The following GRIK4 variants were observed in gnomAD, a reference collection of about 807,000 sequenced individuals.
GRIK4 encodes the protein glutamate ionotropic receptor kainate type subunit 4.
A neutral mutation model predicts 104.9 loss-of-function variants in GRIK4; 40 were observed. The ratio of observed to expected loss-of-function variants is 0.38; its 90% CI spans 0.30 to 0.50. The LOEUF (loss-of-function observed/expected upper bound fraction) is 0.50. Ranked by LOEUF, GRIK4 falls within the 20% of genes least tolerant of loss-of-function variation. GRIK4 has a pLI of 0.93. For synonymous variants in GRIK4, 485 were observed against 524.9 expected (o/e 0.92, Z 1.04); for missense variants, 1,047 against 1,308.1 (o/e 0.80, Z 3.08).
intron 3 of GRIK4, among the ~76,000 whole-genome samples, chr11:120,712,515 C>T (rs1006094474): frequency 6.6e-6 from 1 of 151,786 alleles, no homozygotes; most frequent in Non-Finnish European, 1.5e-5. Context: ...TGACCACGCA[C>T]GGTGGCACAT....
At chr11:120,629,436 T>G (rs1949305002) in intron 1 of GRIK4, among the ~76,000 whole-genome samples, 1 of 152,212 alleles carries the variant, frequency 6.6e-6, no homozygotes, top group Non-Finnish European at 1.5e-5. Context: ...CATTAGCTAC[T>G]GTCGTTCCTG....
chr11:120,637,451 T>C (rs1949412980), intron 1 of GRIK4, among the ~76,000 whole-genome samples: 1 of 152,170 alleles, frequency 6.6e-6, no homozygotes, highest in Admixed American at 6.5e-5. Context: ...CAGGTTATTC[T>C]TTCTTCATAC....
At chr11:120,684,454 T>G in intron 3 of GRIK4, among the ~76,000 whole-genome samples, 1 of 152,172 alleles carries the variant, frequency 6.6e-6, no homozygotes, top group Non-Finnish European at 1.5e-5. Context: ...AAGAAGAAAA[T>G]TGACATTATT....
At chr11:120,981,640 A>G (rs1331700931) in intron 19 of GRIK4, among the ~76,000 whole-genome samples, 1 of 152,236 alleles carries the variant, frequency 6.6e-6, no homozygotes, top group Non-Finnish European at 1.5e-5. Flanking sequence ...AAAGATAGGT[A>G]AATATAACTT....
chr11:120,865,297 A>C (rs1353753079), intron 9 of GRIK4, among the ~76,000 whole-genome samples: 1 of 152,282 alleles, frequency 6.6e-6, no homozygotes, highest in African/African-American at 2.4e-5. Flanking sequence ...AGCTTTTGCT[A>C]TGTAAATACT....
chr11:120,536,133 G>A (rs1947971170), intron 1 of GRIK4, among the ~76,000 whole-genome samples: 1 of 152,228 alleles, frequency 6.6e-6, no homozygotes, highest in Non-Finnish European at 1.5e-5. Context: ...AAGTCAGGCA[G>A]ATGTTTTCAC....
At chr11:120,886,400 A>G (rs1375834940) in intron 11 of GRIK4, among the ~76,000 whole-genome samples, 1 of 152,214 alleles carries the variant, frequency 6.6e-6, no homozygotes, top group Non-Finnish European at 1.5e-5. Context: ...AGAACCAGTG[A>G]TATGCCTTCC....
At chr11:120,977,128 C>T (rs1046164082) in intron 19 of GRIK4, among the ~76,000 whole-genome samples, 4 of 152,158 alleles carry the variant, frequency 2.6e-5, no homozygotes, top group African/African-American at 9.7e-5. Flanking sequence ...GCGGGTGACA[C>T]CAAAGTTAGT....
chr11:120,604,848 T>G (rs1190551331), intron 1 of GRIK4, among the ~76,000 whole-genome samples: 1 of 152,164 alleles, frequency 6.6e-6, no homozygotes, highest in African/African-American at 2.4e-5. Context: ...TGGCCAGAAG[T>G]GGGGCCTGGA....
At chr11:120,925,982 A>AAAAAGAAAG (rs1943336631) in intron 13 of GRIK4, among the ~76,000 whole-genome samples, 1 of 152,006 alleles carries the variant, frequency 6.6e-6, no homozygotes, top group Non-Finnish European at 1.5e-5. Flanking sequence ...TCAAAAAAAA[A>AAAAAGAAAG]AAAAGAAAGA....
In GRIK4 at chr11:120,829,726, A is replaced by G. The variant is rs368806622; in HGVS notation, c.512-2126A>G. ...AGTGAGTTCTCATCCTCCTTTGCCCATTCTACAGATGAAGAATGGAGCTTT... is the reference window on the plus strand; with the variant it reads ...AGTGAGTTCTCATCCTCCTTTGCCCGTTCTACAGATGAAGAATGGAGCTTT... On this transcript the variant is annotated intron_variant, in intron 6 of 20. Transcript: ENST00000527524. Among the ~76,000 whole-genome samples, 9 of 152,220 alleles carry G rather than the reference A, an allele frequency of 5.9e-5. No individual in the cohort carries two copies. The East Asian group carries it at 9.6e-4, about 16-fold the overall frequency.
intron 3 of GRIK4, among the ~76,000 whole-genome samples, chr11:120,674,520 T>C (rs1157833082): frequency 1.3e-5 from 2 of 152,218 alleles, no homozygotes; most frequent in African/African-American, 2.4e-5. Flanking sequence ...AATCACTGCA[T>C]TGAAGGGCCA....
intron 1 of GRIK4, among the ~76,000 whole-genome samples, chr11:120,652,455 C>T (rs922649717): frequency 6.6e-6 from 1 of 152,160 alleles, no homozygotes; most frequent in Non-Finnish European, 1.5e-5. Flanking sequence ...AGGGTTGATT[C>T]TCCCTCAAGG....
intron 14 of GRIK4, among the ~76,000 whole-genome samples, chr11:120,949,560 T>C (rs1943948935): frequency 6.6e-6 from 1 of 151,764 alleles, no homozygotes. Flanking sequence ...TACAGCAGAG[T>C]CACAATAAAT....
intron 1 of GRIK4, among the ~76,000 whole-genome samples, chr11:120,521,667 T>C (rs1947798197): frequency 2.0e-5 from 3 of 152,206 alleles, no homozygotes; most frequent in Admixed American, 1.3e-4. Context: ...GAACACCTGC[T>C]ATTCCCAAGG....
chr11:120,798,745 G>T (rs566073626), intron 3 of GRIK4, among the ~76,000 whole-genome samples: 2 of 152,334 alleles, frequency 1.3e-5, no homozygotes, highest in South Asian at 2.1e-4. Context: ...GCCTCCCAAA[G>T]TTCTGGGATT....
chr11:120,815,317 T>C lies in GRIK4; in HGVS notation c.248-61T>C, dbSNP rs937276537. 5 of 963,306 alleles carry C rather than the reference T, an allele frequency of 5.2e-6. No homozygotes were observed. In the African/African-American group the frequency reaches 8.1e-5, roughly 16 times the overall value. The allele number at this position is 963,306 out of a possible 1,614,324, so 59.7% of individuals were successfully genotyped here. A position where few individuals can be genotyped will look rare whatever the true frequency, so the allele number is the denominator to read the frequency against. ...GGGTGAAGAGGAGAGGACTGGGCCA[T>C]GGCGCAAGCCCGACCTGATGAGTGC... is the stretch of plus-strand genomic sequence containing the variant. On this transcript the variant is annotated intron_variant, in intron 4 of 20. Coordinates refer to ENST00000527524, the MANE Select transcript of GRIK4 (RefSeq NM_014619.5).
At chr11:120,587,654 A>C (rs1267448536) in intron 1 of GRIK4, among the ~76,000 whole-genome samples, 2 of 152,018 alleles carry the variant, frequency 1.3e-5, no homozygotes, top group Non-Finnish European at 2.9e-5. Flanking sequence ...TTTAGGGTTG[A>C]TTTTCAGGCC....
At chr11:120,704,387 C>T (rs191004151) in intron 3 of GRIK4, among the ~76,000 whole-genome samples, 4 of 152,282 alleles carry the variant, frequency 2.6e-5, no homozygotes, top group Admixed American at 1.3e-4. Flanking sequence ...TACCTCTGGT[C>T]GCAGCTCAGG....
Sources: allele counts gnomAD v4.1 joint callset (sites outside exome capture counted in the v4.1 genomes callset), GRCh38; gene constraint gnomAD v4.1.1; transcripts MANE v1.5; gene names NCBI Gene and HGNC (gene_info 2026-07-23, HGNC 2026-07-21).